ESRRB: variants seen among roughly 807,000 people sequenced by gnomAD.
The protein encoded by ESRRB is steroid hormone receptor ERR2.
ESRRB carries 16 observed loss-of-function variants against 46.0 expected under a neutral mutation model. The observed-to-expected ratio is 0.35, with a 90% CI of 0.24 to 0.53. The LOEUF is 0.53. Ranked by LOEUF, ESRRB falls within the 20% of genes least tolerant of loss-of-function variation. The probability of loss-of-function intolerance (pLI) is 0.93; values close to 1 mark genes in which losing one functional copy is unlikely to be tolerated. For synonymous variants in ESRRB, 246 were observed against 259.6 expected, an observed-to-expected ratio of 0.95 and a Z score of 0.50; for missense variants, 488 against 607.4, an observed-to-expected ratio of 0.80 and a Z score of 2.07.
chr14:76,401,225 G>A (rs61979393), intron 1 of ESRRB, among the ~76,000 whole-genome samples: 445 of 152,278 alleles, frequency 2.9e-3, no homozygotes, highest in Non-Finnish European at 4.7e-3. Context: ...AATCCCCCAC[G>A]CTGGCTGGTC....
chr14:76,320,510 C>T (rs911905916), intron 1 of ESRRB, among the ~76,000 whole-genome samples: 2 of 152,214 alleles, frequency 1.3e-5, no homozygotes, highest in Non-Finnish European at 2.9e-5. Context: ...GTTTCCCCTC[C>T]AGAATTAAGG....
At chr14:76,393,166 T>A (rs1885534942) in intron 1 of ESRRB, among the ~76,000 whole-genome samples, 2 of 152,232 alleles carry the variant, frequency 1.3e-5, no homozygotes, top group African/African-American at 4.8e-5. Flanking sequence ...TGTGTATTCT[T>A]TGACCACCCA....
At chr14:76,467,470 C>T (rs1387042555) in intron 3 of ESRRB, among the ~76,000 whole-genome samples, 1 of 144,224 alleles carries the variant, frequency 6.9e-6, no homozygotes, top group East Asian at 2.0e-4. Context: ...CACTGCATTC[C>T]AGCCTGGGCG....
At chr14:76,448,158 A>G (rs910631956) in intron 2 of ESRRB, among the ~76,000 whole-genome samples, 3 of 151,930 alleles carry the variant, frequency 2.0e-5, no homozygotes, top group African/African-American at 4.8e-5. Flanking sequence ...GTTAGTAGGC[A>G]TTTCCTCCAG....
In ESRRB at chr14:76,410,096, C is replaced by T. The variant is rs957552232; in HGVS notation, c.51-29245C>T. Among the ~76,000 whole-genome samples, 13 of 152,082 alleles carry T rather than the reference C, an allele frequency of 8.5e-5. 1 individual carries two copies. Among genetic ancestry groups the T allele is most frequent in the South Asian group, 2.1e-4 (1 of 4,828 alleles). Reference sequence around the variant, plus strand: ...AAAACTAGCCAGGCATGGTGGCACACGCCTGTATTCCCAGCTACTCAGGAG... The same window carrying T: ...AAAACTAGCCAGGCATGGTGGCACATGCCTGTATTCCCAGCTACTCAGGAG... On this transcript the variant is annotated intron_variant, in intron 1 of 6. Transcript: ENST00000644823.
At chr14:76,495,337 C>T (rs1389052606) in intron 6 of ESRRB, 3 of 152,094 alleles carry the variant, frequency 2.0e-5, no homozygotes, top group African/African-American at 7.3e-5. Context: ...AGCCATCCTG[C>T]AGTTGGTGCA....
chr14:76,325,051 G>A (rs924309401), intron 1 of ESRRB, among the ~76,000 whole-genome samples: 5 of 133,778 alleles, frequency 3.7e-5, no homozygotes, highest in South Asian at 2.6e-4. Context: ...TGCAACCTCC[G>A]CCTCCCAGGT....
At chr14:76,362,775 G>A (rs1884479169) in intron 1 of ESRRB, among the ~76,000 whole-genome samples, 1 of 152,144 alleles carries the variant, frequency 6.6e-6, no homozygotes, top group African/African-American at 2.4e-5. Context: ...TGGGGGTGGG[G>A]GTGAAGGACT....
Position 76,376,426 on chromosome 14 carries a change from C to G in ESRRB, c.25C>G (p.Pro9Ala). 8.1e-7 allele frequency: 1 copy of G among 1,231,734 alleles called. No homozygotes were observed. The highest frequency in any genetic ancestry group is 1.0e-6 in the Non-Finnish European group (1 of 988,012). 76.3% of individuals were successfully genotyped at this position (1,231,734 alleles called of 1,614,324 possible). A position where few individuals can be genotyped will look rare whatever the true frequency, so the allele number is the denominator to read the frequency against. Residue 9 changes from proline to alanine, a missense_variant, in exon 1 of 7, where the codon CCG (proline) becomes GCG (alanine). Physicochemically the swap from Pro to Ala is conservative, Grantham distance 27. Transcript: ENST00000644823. The surrounding 1 kb of genome is among the most constrained non-coding windows in gnomAD (Gnocchi z 4.1). The part of the protein sequence containing the change: MDVSELCI[P>A]DPLGYHNQLL... ...GATGGACGTGTCCGAACTCTGCATC[C>G]CGGACCCCCTCGGCTACCACAACCA...
intron 1 of ESRRB, among the ~76,000 whole-genome samples, chr14:76,344,005 G>A (rs1325708158): frequency 6.6e-6 from 1 of 152,204 alleles, no homozygotes; most frequent in Non-Finnish European, 1.5e-5. Flanking sequence ...CAAATATAGT[G>A]GGAGATAGAC....
chr14:76,501,034 G>A lies in ESRRB; in HGVS notation c.*2576G>A. On this transcript the variant is annotated 3_prime_UTR_variant, in exon 7 of 7. Coordinates refer to ENST00000644823, the MANE Select transcript of ESRRB (RefSeq NM_001379180.1). ...CCTGGCCAGATGAGGACCCTCTCCG[G>A]GGAAGGGAGAGGACTGACTTAGTGG... The A allele has an allele frequency of 2.2e-6, 1 of 462,768 alleles. No homozygotes were observed. The allele number at this position is 462,768 out of a possible 1,614,324, so 28.7% of individuals were successfully genotyped here.
intron 2 of ESRRB, among the ~76,000 whole-genome samples, chr14:76,450,688 G>A (rs754584893): frequency 6.6e-6 from 1 of 152,280 alleles, no homozygotes; most frequent in Admixed American, 6.5e-5. Context: ...ACCTTGGGTC[G>A]CCTCCAGGTC....
chr14:76,373,253 C>G (rs1272002196), upstream of ESRRB, among the ~76,000 whole-genome samples: 1 of 152,098 alleles, frequency 6.6e-6, no homozygotes, highest in East Asian at 1.9e-4. Context: ...ACAAACAGCC[C>G]CTCCTCTAGG....
chr14:76,358,324 A>G (rs1264584174), intron 1 of ESRRB, among the ~76,000 whole-genome samples: 1 of 7,620 alleles, frequency 1.3e-4, no homozygotes, highest in Non-Finnish European at 2.0e-4. Flanking sequence ...AAAAAAAAAA[A>G]AAGAAAGAAA....
intron 6 of ESRRB, 44 bp downstream of exon 6, chr14:76,491,760 T>C (rs1415282501): frequency 1.9e-6 from 3 of 1,540,798 alleles, no homozygotes; most frequent in Admixed American, 2.0e-5. Flanking sequence ...TCTAGGGCTC[T>C]GCATGGGCCT....
intron 1 of ESRRB, among the ~76,000 whole-genome samples, chr14:76,348,711 G>T (rs1028028545): frequency 6.6e-6 from 1 of 152,156 alleles, no homozygotes; most frequent in Non-Finnish European, 1.5e-5. Flanking sequence ...TTTCCTTTGT[G>T]TCTGGGCAAG....
intron 1 of ESRRB, among the ~76,000 whole-genome samples, chr14:76,428,874 C>T (rs1887312598): frequency 2.0e-5 from 3 of 152,160 alleles, no homozygotes; most frequent in Non-Finnish European, 4.4e-5. Context: ...CGGGGATCAG[C>T]CTGGTTTTGA....
chr14:76,345,120 C>T (rs1212807723), intron 1 of ESRRB, among the ~76,000 whole-genome samples: 1 of 152,178 alleles, frequency 6.6e-6, no homozygotes, highest in Non-Finnish European at 1.5e-5. Flanking sequence ...CCCTTCTAGA[C>T]ATTCGCTTAG....
At position 76,491,702 on chromosome 14, in the gene ESRRB, C is replaced by T; in HGVS notation, c.1106C>T (p.Ala369Val). The change falls in exon 6 of 7, where the codon GCC (alanine) becomes GTC (valine). Residue 369 changes from alanine (A) to valine (V), a missense_variant. By Grantham distance (64) the Ala-to-Val change is moderately conservative (BLOSUM62 0). Transcript: ENST00000644823. Reference protein sequence around the residue: ...KEEFVTLKALALANSDSMYIE... With the variant: ...KEEFVTLKALVLANSDSMYIE... ...GAGTTTGTGACGCTCAAGGCCCTGG[C>T]CCTCGCCAACTCCGGTAAGGGCGGC... The T allele has an allele frequency of 1.3e-6, 2 of 1,581,434 alleles. No individual in the cohort carries two copies. Among genetic ancestry groups the T allele is most frequent in the Non-Finnish European group, 8.6e-7 (1 of 1,165,526 alleles).
Sources: allele counts gnomAD v4.1 joint callset (sites outside exome capture counted in the v4.1 genomes callset), GRCh38; gene constraint gnomAD v4.1.1; non-coding constraint Gnocchi (gnomAD v3.1); transcripts MANE v1.5; gene names NCBI Gene and HGNC (gene_info 2026-07-23, HGNC 2026-07-21).